Variants in MBNL1 observed in about 807,000 individuals in gnomAD.
MBNL1 encodes muscleblind like splicing regulator 1.
A neutral mutation model predicts 42.2 loss-of-function variants in MBNL1; 8 were observed. That is an observed-to-expected ratio of 0.19 (90% CI 0.11 to 0.34). The LOEUF (loss-of-function observed/expected upper bound fraction) is 0.34. Ranked by LOEUF, MBNL1 falls within the 10% of genes least tolerant of loss-of-function variation. The pLI is 1.00. For synonymous variants in MBNL1, 169 were observed against 173.9 expected (o/e 0.97, Z 0.22); for missense variants, 309 against 495.3 (o/e 0.62, Z 3.57).
At chr3:152,407,759 GA>G (rs1049958480) in intron 2 of MBNL1, among the ~76,000 whole-genome samples, 19 of 152,122 alleles carry the variant, frequency 1.2e-4, no homozygotes, top group African/African-American at 4.1e-4. Context: ...ACTGGATAGA[GA>G]AAATGTGATA....
chr3:152,419,801 G>A (rs1580068448), intron 3 of MBNL1, among the ~76,000 whole-genome samples: 1 of 152,224 alleles, frequency 6.6e-6, no homozygotes, highest in East Asian at 1.9e-4. Context: ...AAGCCAGGGA[G>A]CCAAGTGGTC....
At chr3:152,313,587 A>G (rs1032850439) in intron 2 of MBNL1, among the ~76,000 whole-genome samples, 1 of 152,194 alleles carries the variant, frequency 6.6e-6, no homozygotes, top group African/African-American at 2.4e-5. Context: ...TACTAACGGT[A>G]GCCGTTTGTA....
At chr3:152,315,139 A>T (rs191518795) in intron 2 of MBNL1, among the ~76,000 whole-genome samples, 1 of 152,336 alleles carries the variant, frequency 6.6e-6, no homozygotes, top group African/African-American at 2.4e-5. Flanking sequence ...TTGTGAAACA[A>T]TTAGGAGAAA....
At chr3:152,348,672 C>T (rs2094570389) in intron 2 of MBNL1, among the ~76,000 whole-genome samples, 1 of 151,976 alleles carries the variant, frequency 6.6e-6, no homozygotes, top group African/African-American at 2.4e-5. Flanking sequence ...GTAATCACAT[C>T]CTAAATAAAA....
chr3:152,304,736 T>G (rs1036781102), intron 2 of MBNL1, among the ~76,000 whole-genome samples: 1 of 152,214 alleles, frequency 6.6e-6, no homozygotes, highest in Non-Finnish European at 1.5e-5. Flanking sequence ...CACAACTTTG[T>G]AAAGAATATC....
intron 2 of MBNL1, among the ~76,000 whole-genome samples, chr3:152,369,046 T>A (rs1055623981): frequency 6.6e-6 from 1 of 152,218 alleles, no homozygotes; most frequent in African/African-American, 2.4e-5. Flanking sequence ...TCCAATGCGA[T>A]GCTGAATAGG....
At chr3:152,260,734 T>C (rs956948378) in intron 2 of MBNL1, among the ~76,000 whole-genome samples, 1 of 152,230 alleles carries the variant, frequency 6.6e-6, no homozygotes, top group African/African-American at 2.4e-5. Context: ...CTCCTTTGTG[T>C]GATCTTAACT....
chr3:152,314,234 C>A (rs913591664), intron 2 of MBNL1, among the ~76,000 whole-genome samples: 4 of 151,594 alleles, frequency 2.6e-5, no homozygotes, highest in African/African-American at 9.7e-5. Context: ...ATCTACCACT[C>A]ACTTCCTCAA....
intron 1 of MBNL1, among the ~76,000 whole-genome samples, chr3:152,284,237 A>G (rs971314654): frequency 1.3e-5 from 2 of 152,150 alleles, no homozygotes; most frequent in Non-Finnish European, 2.9e-5. Flanking sequence ...TAGGGAACAA[A>G]GAAAGAAAAC....
intron 1 of MBNL1, among the ~76,000 whole-genome samples, chr3:152,291,675 T>A (rs1409856908): frequency 6.6e-6 from 1 of 152,224 alleles, no homozygotes; most frequent in African/African-American, 2.4e-5. Flanking sequence ...CTCATGGAGC[T>A]TACATTTTTG....
At chr3:152,313,773 C>G (rs1340217854) in intron 2 of MBNL1, among the ~76,000 whole-genome samples, 1 of 152,170 alleles carries the variant, frequency 6.6e-6, no homozygotes, top group African/African-American at 2.4e-5. Context: ...TGTGCACATA[C>G]TAGCTTATTT....
chr3:152,403,637 A>G (rs541036238), intron 2 of MBNL1, among the ~76,000 whole-genome samples: 1 of 152,152 alleles, frequency 6.6e-6, no homozygotes, highest in Admixed American at 6.6e-5. Context: ...CTAGAAAACC[A>G]GTGGAATTCT....
At chr3:152,326,111 G>T (rs572492464) in intron 2 of MBNL1, among the ~76,000 whole-genome samples, 2 of 152,140 alleles carry the variant, frequency 1.3e-5, no homozygotes, top group African/African-American at 4.8e-5. Context: ...CCAAATCTAT[G>T]AAAATTGACG....
intron 2 of MBNL1, among the ~76,000 whole-genome samples, chr3:152,314,910 T>C (rs1560106199): frequency 6.6e-6 from 1 of 152,196 alleles, no homozygotes; most frequent in Non-Finnish European, 1.5e-5. Context: ...TAATTCTGGG[T>C]ATGAGTTATG....
intron 2 of MBNL1, among the ~76,000 whole-genome samples, chr3:152,320,212 T>C (rs183152861): frequency 2.7e-4 from 41 of 152,328 alleles, no homozygotes; most frequent in African/African-American, 8.7e-4. Flanking sequence ...AATTCAACTT[T>C]AGAGAATTTC....
intron 3 of MBNL1, among the ~76,000 whole-genome samples, chr3:152,431,525 A>C (rs2099006738): frequency 6.6e-6 from 1 of 152,222 alleles, no homozygotes; most frequent in Non-Finnish European, 1.5e-5. Flanking sequence ...TTCAGATATC[A>C]TGTAACTTCT....
chr3:152,445,540 G>A lies in MBNL1; in HGVS notation c.807+1G>A. 1 of 1,611,224 alleles carries A rather than the reference G, an allele frequency of 6.2e-7. No homozygotes were observed. Among genetic ancestry groups the A allele is most frequent in the Non-Finnish European group, 8.5e-7 (1 of 1,178,566 alleles). On this transcript the variant is annotated splice_donor_variant, in intron 5 of 9. Coordinates refer to ENST00000324210, the MANE Select transcript of MBNL1 (RefSeq NM_021038.5). LOFTEE classifies it high-confidence loss of function. The stretch of plus-strand genomic sequence containing the variant: ...GGCTGCAGCCACCGCAGCTGCCATG[G>A]TGAGTAGAGATATCAGCTCTCTCCT...
intron 2 of MBNL1, among the ~76,000 whole-genome samples, chr3:152,397,972 T>A (rs1247280090): frequency 6.6e-6 from 1 of 152,212 alleles, no homozygotes; most frequent in African/African-American, 2.4e-5. Context: ...TGCTACATAG[T>A]CTTTTCAAAC....
intron 4 of MBNL1, among the ~76,000 whole-genome samples, chr3:152,435,325 AC>A (rs1215119726): frequency 1.3e-5 from 2 of 151,696 alleles, no homozygotes; most frequent in African/African-American, 2.4e-5. Flanking sequence ...GTTATTGTCA[AC>A]TTTGTTGGAG....
Sources: gnomAD v4.1 joint callset for allele counts (sites outside exome capture counted in the v4.1 genomes callset) on GRCh38, gnomAD v4.1.1 for gene constraint, MANE v1.5 for transcripts, NCBI Gene and HGNC (gene_info 2026-07-23, HGNC 2026-07-21) for gene names.